Variants in ABRACL observed in about 807,000 individuals in gnomAD.
ABRACL encodes the protein costars family protein ABRACL.
A neutral mutation model predicts 7.0 loss-of-function variants in ABRACL; 4 were observed. The ratio of observed to expected loss-of-function variants is 0.57; its 90% CI spans 0.28 to 1.30. The LOEUF is 1.30. ABRACL is among the 50% of genes most tolerant of loss of function. The pLI is 0.10. For missense variants in ABRACL, 104 were observed against 97.3 expected (o/e 1.07, Z -0.29); for synonymous variants, 30 against 36.0 (o/e 0.83, Z 0.60).
At chr6:139,038,305 C>T (rs989514689) in intron 2 of ABRACL, among the ~76,000 whole-genome samples, 1 of 152,184 alleles carries the variant, frequency 6.6e-6, no homozygotes, top group African/African-American at 2.4e-5. Context: ...AGATAATTAT[C>T]GTAACTTCTA....
intron 2 of ABRACL, chr6:139,034,574 C>A: frequency 1.5e-6 from 1 of 664,130 alleles, no homozygotes; most frequent in South Asian, 4.0e-5. Flanking sequence ...CTGCCTTGTT[C>A]TGCCATCATT....
intron 2 of ABRACL, among the ~76,000 whole-genome samples, chr6:139,041,499 G>A (rs1473175789): frequency 1.8e-5 from 1 of 54,104 alleles, no homozygotes; most frequent in Non-Finnish European, 3.5e-5. Context: ...ATATATGTGT[G>A]TGTGTGTGTG....
intron 1 of ABRACL, among the ~76,000 whole-genome samples, chr6:139,033,134 C>T (rs557696208): frequency 2.5e-4 from 38 of 152,230 alleles, no homozygotes; most frequent in African/African-American, 5.5e-4. Context: ...GGGTTGAAGC[C>T]ACAGTATGTG....
chr6:139,032,007 T>C (rs944714949), intron 1 of ABRACL, among the ~76,000 whole-genome samples: 7 of 152,002 alleles, frequency 4.6e-5, no homozygotes, highest in African/African-American at 7.2e-5. Context: ...GTCGCCCAGG[T>C]TGGAGTGCAG....
intron 2 of ABRACL, among the ~76,000 whole-genome samples, chr6:139,039,973 G>T (rs1028650492): frequency 6.6e-6 from 1 of 151,988 alleles, no homozygotes; most frequent in African/African-American, 2.4e-5. Context: ...TGTAGTCCCA[G>T]CTACGTGGGA....
Position 139,042,796 on chromosome 6 carries a change from G to A in ABRACL, c.139G>A (p.Val47Ile), listed in dbSNP as rs1245768128. 1 of 1,614,064 alleles carries A rather than the reference G, an allele frequency of 6.2e-7. No homozygotes were observed. Among genetic ancestry groups the A allele is most frequent in the South Asian group, 1.1e-5 (1 of 91,074 alleles). ...ATGTGCCAACCTCTTTGAAGCATTG[G>A]TAGGAACTCTTAAAGCTGCAAAACG... ...DKCANLFEAL[V>I]GTLKAAKRRK... Residue 47 changes from valine (V) to isoleucine (I), a missense_variant, in exon 3 of 3, where the codon GTA becomes ATA. Val to Ile is a conservative substitution (Grantham distance 29). Transcript: ENST00000367660.
Position 139,032,074 on chromosome 6 carries a change from C to A in ABRACL, c.-6-2081C>A, listed in dbSNP as rs1242980940. The stretch of plus-strand genomic sequence containing the variant: ...CTCCCGGGTTCACGCCATACTCCTG[C>A]CTCAGCCTCCCGAGTAGCTGGGACT... On this transcript the variant is annotated intron_variant, in intron 1 of 2. Transcript: ENST00000367660. Among the ~76,000 whole-genome samples the A allele has an allele frequency of 2.0e-5, 3 of 152,234 alleles. No individual in the cohort carries two copies. In the East Asian group the frequency reaches 5.8e-4, roughly 29 times the overall value.
chr6:139,043,266 T>C lies in ABRACL; in HGVS notation c.*363T>C, dbSNP rs867042300. Reference sequence around the variant, plus strand: ...CCAACTCCTATGAGAAATATTATGATGTTTATGTAATAAAGACATGTAACT... The same window carrying C: ...CCAACTCCTATGAGAAATATTATGACGTTTATGTAATAAAGACATGTAACT... On this transcript the variant is annotated 3_prime_UTR_variant, in exon 3 of 3. Coordinates refer to ENST00000367660, the MANE Select transcript of ABRACL (RefSeq NM_021243.3). 1 of 161,220 alleles carries C rather than the reference T, an allele frequency of 6.2e-6. No individual in the cohort carries two copies. The highest frequency in any genetic ancestry group is 2.4e-5 in the African/African-American group (1 of 41,752). 10.0% of individuals were successfully genotyped at this position (161,220 alleles called of 1,614,324 possible).
Position 139,037,777 on chromosome 6 carries a change from CTT to C in ABRACL, c.61+3570_61+3571del, listed in dbSNP as rs35731074. Among the ~76,000 whole-genome samples, 652 of 136,138 alleles carry C rather than the reference CTT, an allele frequency of 4.8e-3. 5 individuals are homozygous for C. The Middle Eastern group carries it at 0.071, about 15-fold the overall frequency. The allele number at this position is 136,138 out of a possible 152,430, so 89.3% of individuals were successfully genotyped here. A position where few individuals can be genotyped will look rare whatever the true frequency, so the allele number is the denominator to read the frequency against. On this transcript the variant is annotated intron_variant, in intron 2 of 2. Transcript: ENST00000367660. ...ATTATTATTGTTTTTTTCTTTTTCT[CTT>C]TTTTTTTTTTTTTCTGGGATAGAGT... is the stretch of plus-strand genomic sequence containing the variant.
rs149725656 is a variant in ABRACL at position 139,038,950 on chromosome 6, G to A, written c.62-3769G>A. On this transcript the variant is annotated intron_variant, in intron 2 of 2. Transcript: ENST00000367660. ...AAAAAATCTCTAAAATAGGCCAGGT[G>A]TGGTGGCTCATGCCTATAATCCCAG... Among the ~76,000 whole-genome samples, 33 of 152,270 alleles carry A rather than the reference G, an allele frequency of 2.2e-4. No homozygotes were observed. In the East Asian group the frequency reaches 6.4e-3, roughly 29 times the overall value.
At chr6:139,031,126 G>A (rs563720477) in intron 1 of ABRACL, among the ~76,000 whole-genome samples, 1 of 152,328 alleles carries the variant, frequency 6.6e-6, no homozygotes, top group South Asian at 2.1e-4. Flanking sequence ...TCGGGAATCA[G>A]AGAATCAGAG....
At chr6:139,038,540 T>C (rs989546874) in intron 2 of ABRACL, among the ~76,000 whole-genome samples, 3 of 152,234 alleles carry the variant, frequency 2.0e-5, no homozygotes, top group Non-Finnish European at 4.4e-5. Flanking sequence ...TATCTTTTCA[T>C]TGAAAGTCAA....
chr6:139,039,067 T>C (rs930312333), intron 2 of ABRACL, among the ~76,000 whole-genome samples: 5 of 151,956 alleles, frequency 3.3e-5, no homozygotes, highest in African/African-American at 9.7e-5. Context: ...CTACTAAAAA[T>C]ACAAAAATTA....
rs748288046 is a variant in ABRACL, at chr6:139,041,531, A to ATATATT, written c.62-1187_62-1186insATATTT. 6.4e-3 allele frequency among the ~76,000 whole-genome samples: 806 copies of ATATATT among 126,008 alleles called. 6 individuals carry two copies. Among genetic ancestry groups the ATATATT allele is most frequent in the East Asian group, 0.024 (102 of 4,308 alleles). 82.7% of individuals were successfully genotyped at this position (126,008 alleles called of 152,430 possible). ...TGTGTGTGTATATATATATATATAT[A>ATATATT]TTTTTTTTTAGGAGAGACATGGTCT... is the stretch of plus-strand genomic sequence containing the variant. On this transcript the variant is annotated intron_variant, in intron 2 of 2. Coordinates refer to ENST00000367660, the MANE Select transcript of ABRACL (RefSeq NM_021243.3).
chr6:139,034,605 A>T (rs1786127859), intron 2 of ABRACL: 5 of 399,744 alleles, frequency 1.3e-5, no homozygotes, highest in East Asian at 4.2e-5. Context: ...CTTTTTTTTC[A>T]AATCATCTTA....
chr6:139,042,072 G>A (rs758076913), intron 2 of ABRACL, among the ~76,000 whole-genome samples: 1 of 152,142 alleles, frequency 6.6e-6, no homozygotes, highest in Non-Finnish European at 1.5e-5. Context: ...AGGATAGGGA[G>A]GTGTCTCCCA....
chr6:139,035,873 G>A (rs182343836), intron 2 of ABRACL, among the ~76,000 whole-genome samples: 3,376 of 146,648 alleles, frequency 0.023, 124 homozygotes, highest in African/African-American at 0.078. Flanking sequence ...AGGCTGAGGC[G>A]GTTGGATCAT....
intron 1 of ABRACL, among the ~76,000 whole-genome samples, chr6:139,031,072 G>T (rs1786075710): frequency 6.6e-6 from 1 of 152,202 alleles, no homozygotes; most frequent in Admixed American, 6.5e-5. Context: ...GAGGTGGGAG[G>T]AAGGAGCGAA....
At chr6:139,042,215 A>G (rs1786263364) in intron 2 of ABRACL, among the ~76,000 whole-genome samples, 1 of 152,210 alleles carries the variant, frequency 6.6e-6, no homozygotes, top group Non-Finnish European at 1.5e-5. Context: ...TATGAAATAC[A>G]GATTTCTGAG....
Sources: allele counts gnomAD v4.1 joint callset (sites outside exome capture counted in the v4.1 genomes callset), GRCh38; gene constraint gnomAD v4.1.1; transcripts MANE v1.5; gene names NCBI Gene and HGNC (gene_info 2026-07-23, HGNC 2026-07-21).